Variants in EHBP1 observed in about 807,000 individuals in gnomAD.
EHBP1 encodes EH domain binding protein 1.
Under a neutral mutation model 144.0 loss-of-function variants are expected in EHBP1, and 55 were observed. The ratio of observed to expected loss-of-function variants is 0.38; its 90% CI spans 0.31 to 0.48. The LOEUF (loss-of-function observed/expected upper bound fraction) is 0.48, where lower values mean the gene tolerates loss of function less well. Among genes scored for constraint, EHBP1 ranks in the 20% least tolerant of loss-of-function variants. EHBP1 has a pLI of 0.98. For missense variants in EHBP1, 1,200 were observed against 1,364.2 expected (o/e 0.88, Z 1.90); for synonymous variants, 469 against 472.7 (o/e 0.99, Z 0.10).
chr2:62,836,060 C>A (rs1004825245), intron 7 of EHBP1, among the ~76,000 whole-genome samples: 3 of 152,134 alleles, frequency 2.0e-5, no homozygotes, highest in Non-Finnish European at 4.4e-5. Flanking sequence ...AACAAAAAGA[C>A]AGCAGTATCC....
At chr2:62,761,349 C>G (rs1029259962) in intron 3 of EHBP1, among the ~76,000 whole-genome samples, 1 of 152,020 alleles carries the variant, frequency 6.6e-6, no homozygotes, top group Non-Finnish European at 1.5e-5. Flanking sequence ...ATCTCTGTAC[C>G]TGAAGTTTTG....
Position 62,748,190 on chromosome 2 carries a change from C to T in EHBP1, c.162+738C>T, listed in dbSNP as rs558668505. On this transcript the variant is annotated intron_variant, in intron 3 of 22. Transcript: ENST00000431489. Reference sequence around the variant, plus strand: ...TTAATTTATTTAGATTACAAGATGACGAAGTTAGGGCACACTTAAGAAGTT... The same window carrying T: ...TTAATTTATTTAGATTACAAGATGATGAAGTTAGGGCACACTTAAGAAGTT... Among the ~76,000 whole-genome samples the T allele has an allele frequency of 7.6e-4, 116 of 152,138 alleles. 1 individual carries two copies. The South Asian group carries it at 0.017, about 23-fold the overall frequency.
At chr2:62,929,825 T>C (rs185139990) in intron 10 of EHBP1, among the ~76,000 whole-genome samples, 3 of 151,470 alleles carry the variant, frequency 2.0e-5, no homozygotes, top group South Asian at 4.2e-4. Context: ...CTATAAAGAT[T>C]CTACAAAAAA....
intron 13 of EHBP1, among the ~76,000 whole-genome samples, chr2:62,955,092 C>G (rs2057614751): frequency 6.6e-6 from 1 of 151,936 alleles, no homozygotes; most frequent in African/African-American, 2.4e-5. Context: ...ATTATCGCCA[C>G]AGATATTTAA....
At position 62,979,297 on chromosome 2, in the gene EHBP1, C is replaced by T; in HGVS notation, c.2570C>T (p.Ala857Val). Residue 857 changes from alanine (A) to valine (V), a missense_variant, in exon 15 of 23, where the codon GCT (alanine) becomes GTT (valine). By Grantham distance (64) the Ala-to-Val change is moderately conservative. Transcript: ENST00000431489. ...MSELPSYGEM[A>V]AEKLKERSKA... is the part of the protein sequence containing the mutation. ...GAACTTCCCAGCTATGGTGAAATGG[C>T]TGCAGAAAAGTTGAAAGAAAGGTCA... is the stretch of plus-strand genomic sequence containing the variant. The T allele has an allele frequency of 6.8e-6, 11 of 1,613,852 alleles. No individual in the cohort carries two copies. Among genetic ancestry groups the T allele is most frequent in the Non-Finnish European group, 9.3e-6 (11 of 1,179,866 alleles).
At chr2:62,988,665 A>C (rs1426796565) in intron 15 of EHBP1, among the ~76,000 whole-genome samples, 1 of 152,134 alleles carries the variant, frequency 6.6e-6, no homozygotes, top group Non-Finnish European at 1.5e-5. Context: ...TAATAGGTGA[A>C]TGTTCCAAAT....
At chr2:62,783,198 G>C (rs1362673770) in intron 5 of EHBP1, among the ~76,000 whole-genome samples, 1 of 152,232 alleles carries the variant, frequency 6.6e-6, no homozygotes, top group East Asian at 1.9e-4. Context: ...GACTTGGGCA[G>C]CTCCACCTCT....
At chr2:62,874,299 G>C in intron 9 of EHBP1, 47 bp from the exon 10 acceptor site, 1 of 1,378,190 alleles carries the variant, frequency 7.3e-7, no homozygotes, top group Non-Finnish European at 9.8e-7. Flanking sequence ...ACTTGTAAAT[G>C]AACTATTTTT....
At chr2:63,016,549 G>GC (rs1217245627) in intron 19 of EHBP1, among the ~76,000 whole-genome samples, 1 of 151,786 alleles carries the variant, frequency 6.6e-6, no homozygotes, top group African/African-American at 2.4e-5. Flanking sequence ...TCCCACCTCA[G>GC]CCCCCCGAGT....
rs779210269 is a variant in EHBP1, at chr2:62,864,737, T to G, written c.764T>G (p.Ile255Ser). The stretch of plus-strand genomic sequence containing the variant: ...ATCTGCTATTATTTTATAGAACCTA[T>G]CACTGAAACAGCTTCACCTAGAAAA... ...PFGDPDSEEP[I>S]TETASPRKTE... Residue 255 changes from isoleucine (I) to serine (S), a missense_variant, in exon 9 of 23, where the codon ATC (isoleucine) becomes AGC (serine). Ile to Ser is a moderately radical substitution (Grantham distance 142). Transcript: ENST00000431489. 6 of 1,608,580 alleles carry G rather than the reference T, an allele frequency of 3.7e-6. No homozygotes were observed. Among genetic ancestry groups the G allele is most frequent in the East Asian group, 4.5e-5 (2 of 44,838 alleles).
At chr2:62,757,737 A>G (rs1374507909) in intron 3 of EHBP1, among the ~76,000 whole-genome samples, 1 of 152,106 alleles carries the variant, frequency 6.6e-6, no homozygotes, top group Non-Finnish European at 1.5e-5. Flanking sequence ...CCCAGCTACA[A>G]TAATCATTTC....
chr2:62,891,619 G>T (rs574201634), intron 10 of EHBP1, among the ~76,000 whole-genome samples: 1 of 152,186 alleles, frequency 6.6e-6, no homozygotes, highest in East Asian at 1.9e-4. Context: ...TCAGACTACT[G>T]TGGGACATGT....
At chr2:62,701,893 A>G (rs533140168), upstream of EHBP1, among the ~76,000 whole-genome samples, 3 of 152,288 alleles carry the variant, frequency 2.0e-5, no homozygotes, top group South Asian at 2.1e-4. Flanking sequence ...ACAAAAACCT[A>G]CAGTGTTATT....
At chr2:62,729,306 TATA>T (rs956407251) in intron 2 of EHBP1, among the ~76,000 whole-genome samples, 8 of 130,502 alleles carry the variant, frequency 6.1e-5, no homozygotes, top group Admixed American at 3.8e-4. Flanking sequence ...TATTTTATAA[TATA>T]ATATAATATT....
intron 7 of EHBP1, among the ~76,000 whole-genome samples, chr2:62,838,773 C>A (rs1322518027): frequency 3.3e-5 from 5 of 149,340 alleles, no homozygotes; most frequent in African/African-American, 1.2e-4. Context: ...CACATACACT[C>A]TCCCAAGACT....
At chr2:62,689,503 C>A (rs1437704982) in intron 1 of EHBP1, among the ~76,000 whole-genome samples, 3 of 152,002 alleles carry the variant, frequency 2.0e-5, no homozygotes, top group Non-Finnish European at 1.5e-5. Context: ...ATTAGCCGGG[C>A]ATTGGTGGCA....
chr2:62,895,278 T>TATCATCATC lies in EHBP1; in HGVS notation c.1185+20780_1185+20788dup, dbSNP rs10700628. On this transcript the variant is annotated intron_variant, in intron 10 of 22. Transcript: ENST00000431489. ...GATGCATTTTACTGTATGTAAATTCTATCATCATCATCATCATCATCATCA... is the reference window on the plus strand; with the variant it reads ...GATGCATTTTACTGTATGTAAATTCTATCATCATCATCATCATCATCATCATCATCATCA... Among the ~76,000 whole-genome samples, 771 of 149,796 alleles carry TATCATCATC rather than the reference T, an allele frequency of 5.1e-3. 5 individuals carry two copies. Among genetic ancestry groups the TATCATCATC allele is most frequent in the Non-Finnish European group, 6.1e-3 (408 of 67,432 alleles).
intron 10 of EHBP1, among the ~76,000 whole-genome samples, chr2:62,896,681 TA>T (rs74529720): frequency 0.015 from 2,084 of 137,276 alleles, 46 homozygotes; most frequent in African/African-American, 0.049. Flanking sequence ...AGCCCATCTT[TA>T]AAAAAAAAAA....
rs183595170 is a variant in EHBP1 at position 62,824,830 on chromosome 2, T to G, written c.313-1257T>G. On this transcript the variant is annotated intron_variant, in intron 5 of 22. Transcript: ENST00000431489. Reference sequence around the variant, plus strand: ...TTAAAGGCTGTTTTAATATTTTGATTAAATTAGTATGTCCTTATTTTAGGC... The same window carrying G: ...TTAAAGGCTGTTTTAATATTTTGATGAAATTAGTATGTCCTTATTTTAGGC... 3.3e-5 allele frequency among the ~76,000 whole-genome samples: 5 copies of G among 152,122 alleles called. No individual in the cohort carries two copies. The East Asian group carries it at 9.6e-4, about 29-fold the overall frequency.
Sources: allele counts gnomAD v4.1 joint callset (sites outside exome capture counted in the v4.1 genomes callset), GRCh38; gene constraint gnomAD v4.1.1; transcripts MANE v1.5; gene names NCBI Gene and HGNC (gene_info 2026-07-23, HGNC 2026-07-21).